ARPC1B: variants seen among roughly 807,000 people sequenced by gnomAD.
ARPC1B encodes actin-related protein 2/3 complex subunit 1B.
ARPC1B carries 29 observed loss-of-function variants against 46.0 expected under a neutral mutation model. That is an observed-to-expected ratio of 0.63 (90% CI 0.47 to 0.86). The LOEUF (loss-of-function observed/expected upper bound fraction) is 0.86. Among genes scored for constraint, ARPC1B ranks in the 40% least tolerant of loss-of-function variants. The probability of loss-of-function intolerance (pLI) is 0.00; values close to 1 mark genes in which losing one functional copy is unlikely to be tolerated. For synonymous variants in ARPC1B, 201 were observed against 213.9 expected (o/e 0.94, Z 0.53); for missense variants, 469 against 529.4 (o/e 0.89, Z 1.12).
chr7:99,390,471 C>T (rs898055913), intron 5 of ARPC1B, among the ~76,000 whole-genome samples: 8 of 151,790 alleles, frequency 5.3e-5, no homozygotes, highest in Non-Finnish European at 7.4e-5. Context: ...TGAGTTCAAG[C>T]GATCAAGCGA....
chr7:99,386,185 A>G (rs1179766595), intron 2 of ARPC1B, among the ~76,000 whole-genome samples: 2 of 151,284 alleles, frequency 1.3e-5, no homozygotes, highest in Non-Finnish European at 2.9e-5. Flanking sequence ...CAGGAGGCGG[A>G]GGTTGCAGTG....
chr7:99,390,152 C>T (rs981582071), intron 5 of ARPC1B, 140 bp downstream of exon 5: 9 of 709,782 alleles, frequency 1.3e-5, no homozygotes, highest in South Asian at 5.3e-5. Context: ...ACCTGGGCGT[C>T]GGTTGAAGGT....
chr7:99,379,106 G>A (rs758726199), intron 1 of ARPC1B, among the ~76,000 whole-genome samples: 5 of 152,108 alleles, frequency 3.3e-5, no homozygotes, highest in Non-Finnish European at 5.9e-5. Context: ...TCCTGTTAGT[G>A]TTATTCTGTT....
intron 1 of ARPC1B, among the ~76,000 whole-genome samples, chr7:99,382,674 G>C (rs932156089): frequency 2.0e-5 from 3 of 151,878 alleles, no homozygotes; most frequent in Non-Finnish European, 1.5e-5. Context: ...GGGTCTCACT[G>C]TATCGCCCAT....
At chr7:99,392,245 G>A (rs1317007137) in intron 7 of ARPC1B, 1 of 174,468 alleles carries the variant, frequency 5.7e-6, no homozygotes, top group Non-Finnish European at 1.2e-5. Context: ...GCGAGAGTTC[G>A]GGGTGTGCGG....
intron 4 of ARPC1B, chr7:99,388,615 C>T (rs970577753): frequency 3.0e-5 from 6 of 198,316 alleles, no homozygotes; most frequent in South Asian, 2.6e-4. Flanking sequence ...GCACCACTCA[C>T]GAGCTCGCAG....
At chr7:99,390,749 G>C (rs1368317576) in intron 5 of ARPC1B, 144 bp from the exon 6 acceptor site, 2 of 662,562 alleles carry the variant, frequency 3.0e-6, no homozygotes, top group African/African-American at 3.7e-5. Context: ...CCAAACTGGA[G>C]CACAGTAGCG....
At chr7:99,393,076 G>C (rs754671167) in intron 8 of ARPC1B, among the ~76,000 whole-genome samples, 200 bp downstream of exon 8, 1 of 152,096 alleles carries the variant, frequency 6.6e-6, no homozygotes, top group Admixed American at 6.6e-5. Context: ...CCGGACACGA[G>C]GGGACGGGGC....
At chr7:99,380,316 TG>T (rs770491081) in intron 1 of ARPC1B, among the ~76,000 whole-genome samples, 61 of 151,242 alleles carry the variant, frequency 4.0e-4, no homozygotes, top group Non-Finnish European at 7.9e-4. Flanking sequence ...TGGTAAGATG[TG>T]GGGGTTGGGG....
intron 1 of ARPC1B, among the ~76,000 whole-genome samples, chr7:99,376,061 CAAA>C (rs1055447800): frequency 6.2e-5 from 6 of 96,204 alleles, no homozygotes; most frequent in South Asian, 6.5e-4. Context: ...GACTCCGTCT[CAAA>C]AAAAAAAAAA....
At chr7:99,392,638 G>GCGGCGCTCCAATGGCCC (rs1794603335) in intron 7 of ARPC1B, 33 bp from the exon 8 acceptor site, 1 of 1,446,548 alleles carries the variant, frequency 6.9e-7, no homozygotes, top group Admixed American at 2.7e-5. Context: ...TTTCCCCTCC[G>GCGGCGCTCCAATGGCCC]CGGCGCTCCA....
intron 5 of ARPC1B, 144 bp from the exon 6 acceptor site, chr7:99,390,749 G>A (rs1368317576): frequency 4.5e-6 from 3 of 662,558 alleles, no homozygotes; most frequent in African/African-American, 1.8e-5. Context: ...CCAAACTGGA[G>A]CACAGTAGCG....
chr7:99,391,474 G>A (rs1794569392), intron 7 of ARPC1B, among the ~76,000 whole-genome samples: 1 of 152,192 alleles, frequency 6.6e-6, no homozygotes, highest in South Asian at 2.1e-4. Context: ...GCCAGGTGCG[G>A]TGGCTCACAC....
At position 99,392,891 on chromosome 7, in the gene ARPC1B, C is replaced by A; in HGVS notation, c.989+15C>A. 6.6e-7 allele frequency: 1 copy of A among 1,524,426 alleles called. No homozygotes were observed. Among genetic ancestry groups the A allele is most frequent in the Non-Finnish European group, 8.8e-7 (1 of 1,131,174 alleles). 94.4% of individuals were successfully genotyped at this position (1,524,426 alleles called of 1,614,324 possible). On this transcript the variant is annotated intron_variant, in intron 8 of 9. Transcript: ENST00000646101. ...AACAGCGTCAGGTGAGAGCGGGAGC[C>A]GGGCCGGCGGGTGGGCGGGGCCTCG...
At chr7:99,390,079 G>A (rs1794520712) in intron 5 of ARPC1B, 67 bp downstream of exon 5, 58 of 1,427,346 alleles carry the variant, frequency 4.1e-5, no homozygotes, top group Non-Finnish European at 5.7e-5. Flanking sequence ...ATAGCGGGGA[G>A]CCGCACCTGA....
chr7:99,394,182 C>A, intron 9 of ARPC1B, 63 bp downstream of exon 9: 1 of 1,548,046 alleles, frequency 6.5e-7, no homozygotes, highest in Non-Finnish European at 8.8e-7. Context: ...CCCCCATCCC[C>A]ACTCCCTGGA....
Position 99,391,054 on chromosome 7 carries a change from G to A in ARPC1B, c.662G>A (p.Ser221Asn), listed in dbSNP as rs1393559356. ...AGCGGGAGCCGCGTGGCCTGGGTAA[G>A]CCACGACAGCACCGTCTGCCTGGCT... Reference protein sequence around the residue: ...SASGSRVAWVSHDSTVCLADA... With the variant: ...SASGSRVAWVNHDSTVCLADA... Residue 221 changes from serine (S) to asparagine (N), a missense_variant, in exon 6 of 10, where the codon AGC (serine) becomes AAC (asparagine). By Grantham distance (46) the Ser-to-Asn change is conservative (BLOSUM62 1). Transcript: ENST00000646101. 1 of 1,613,974 alleles carries A rather than the reference G, an allele frequency of 6.2e-7. No homozygotes were observed. The highest frequency in any genetic ancestry group is 1.7e-5 in the Admixed American group (1 of 60,000).
rs201953746 is a variant in ARPC1B at position 99,393,992 on chromosome 7, A to C, written c.990-37A>C. The stretch of plus-strand genomic sequence containing the variant: ...GGGTGGGCCTGAGCCCAGCGCCAGC[A>C]CAGGTTGAATTCATAAGCTCCTCTT... On this transcript the variant is annotated intron_variant, in intron 8 of 9. Transcript: ENST00000646101. 2,378 of 1,604,186 alleles carry C rather than the reference A, an allele frequency of 1.5e-3. 2 individuals carry two copies. The highest frequency in any genetic ancestry group is 5.1e-3 in the Middle Eastern group (31 of 6,048).
At chr7:99,392,631 C>G in intron 7 of ARPC1B, 40 bp from the exon 8 acceptor site, 1 of 1,435,600 alleles carries the variant, frequency 7.0e-7, no homozygotes, top group Non-Finnish European at 9.1e-7. Flanking sequence ...GCCTCGGTTT[C>G]CCCTCCGCGG....
Sources: allele counts gnomAD v4.1 joint callset (sites outside exome capture counted in the v4.1 genomes callset), GRCh38; gene constraint gnomAD v4.1.1; transcripts MANE v1.5; gene names NCBI Gene and HGNC (gene_info 2026-07-23, HGNC 2026-07-21).